TAOK1: variants seen among roughly 807,000 people sequenced by gnomAD.
TAOK1 encodes the protein serine/threonine-protein kinase TAO1.
TAOK1 carries 21 observed loss-of-function variants against 138.3 expected under a neutral mutation model. That is an observed-to-expected ratio of 0.15 (90% CI 0.11 to 0.22). The LOEUF is 0.22. Ranked by LOEUF, TAOK1 falls within the 10% of genes least tolerant of loss-of-function variation. TAOK1 has a pLI of 1.00. For missense variants in TAOK1, 651 were observed against 1,227.7 expected (o/e 0.53, Z 7.02); for synonymous variants, 361 against 398.4 (o/e 0.91, Z 1.12).
Position 29,502,669 on chromosome 17 carries a change from C to T in TAOK1, c.1284C>T (p.His428=). 1 of 1,613,744 alleles carries T rather than the reference C, an allele frequency of 6.2e-7. No homozygotes were observed. The highest frequency in any genetic ancestry group is 8.5e-7 in the Non-Finnish European group (1 of 1,179,948). ...AATCTCCACCCCAAGTATCTCGTCA[C>T]AAATCACACTATCGTAATCGAGAAC... ...DPQSPPQVSR[H]KSHYRNREHF... The change falls in exon 13 of 20, where the codon CAC becomes CAT. Residue 428 remains histidine (H), a synonymous_variant. Transcript: ENST00000261716.
At chr17:29,470,099 A>G (rs915346496) in intron 3 of TAOK1, among the ~76,000 whole-genome samples, 1 of 152,202 alleles carries the variant, frequency 6.6e-6, no homozygotes, top group Non-Finnish European at 1.5e-5. Flanking sequence ...AAGAGCAAAA[A>G]CAGATTTCTA....
At chr17:29,461,713 G>T (rs1252858680) in intron 2 of TAOK1, among the ~76,000 whole-genome samples, 1 of 151,554 alleles carries the variant, frequency 6.6e-6, no homozygotes, top group Non-Finnish European at 1.5e-5. Context: ...TTTGTCATAT[G>T]TTTGACAGAT....
intron 17 of TAOK1, among the ~76,000 whole-genome samples, chr17:29,528,096 C>G (rs2032041996): frequency 6.6e-6 from 1 of 152,158 alleles, no homozygotes; most frequent in Admixed American, 6.5e-5. Flanking sequence ...GTTGCCCAGG[C>G]TGGAGTGCAG....
At chr17:29,542,370 AC>A (rs903249910) in intron 19 of TAOK1, among the ~76,000 whole-genome samples, 190 bp from the exon 20 acceptor site, 5 of 152,144 alleles carry the variant, frequency 3.3e-5, no homozygotes, top group African/African-American at 1.2e-4. Context: ...CTGCAGTTGT[AC>A]CCCCGAATAT....
At chr17:29,420,736 CCA>C (rs1905412684) in intron 1 of TAOK1, among the ~76,000 whole-genome samples, 2 of 151,786 alleles carry the variant, frequency 1.3e-5, no homozygotes, top group Non-Finnish European at 2.9e-5. Flanking sequence ...CAGGCATGCG[CCA>C]GCATGCCTGG....
At chr17:29,491,959 C>A in intron 10 of TAOK1, 94 bp downstream of exon 10, 1 of 922,702 alleles carries the variant, frequency 1.1e-6, no homozygotes, top group South Asian at 1.5e-5. Context: ...AATCACGTCT[C>A]CTGCAGCCTT....
At chr17:29,421,251 A>T (rs1905437312) in intron 1 of TAOK1, among the ~76,000 whole-genome samples, 1 of 152,230 alleles carries the variant, frequency 6.6e-6, no homozygotes, top group South Asian at 2.1e-4. Context: ...TTAGACTAAT[A>T]AAGTGAATTA....
chr17:29,538,478 A>G (rs1287466542), intron 19 of TAOK1, among the ~76,000 whole-genome samples: 4 of 152,232 alleles, frequency 2.6e-5, no homozygotes, highest in African/African-American at 9.6e-5. Context: ...ATGTGACTAC[A>G]AGGCAGGCTG....
intron 11 of TAOK1, among the ~76,000 whole-genome samples, chr17:29,498,066 A>T (rs998505113): frequency 1.3e-5 from 2 of 152,192 alleles, no homozygotes; most frequent in African/African-American, 4.8e-5. Flanking sequence ...AAATCACCCA[A>T]ATCTGATCAG....
In TAOK1 at chr17:29,543,069, A is replaced by C. The variant is rs377624136; in HGVS notation, c.*47A>C. On this transcript the variant is annotated 3_prime_UTR_variant, in exon 20 of 20. Transcript: ENST00000261716. ...TTCCGCTGGAGCTGTCTGCCAAAAG[A>C]AACTGCCTACAGACATCATCACAGC... 131 of 1,473,978 alleles carry C rather than the reference A, an allele frequency of 8.9e-5. No individual in the cohort carries two copies. Among genetic ancestry groups the C allele is most frequent in the Non-Finnish European group, 1.1e-4 (124 of 1,097,106 alleles). The allele number at this position is 1,473,978 out of a possible 1,614,324, so 91.3% of individuals were successfully genotyped here.
At chr17:29,491,490 A>AT (rs1429144751) in intron 9 of TAOK1, among the ~76,000 whole-genome samples, 3 of 152,160 alleles carry the variant, frequency 2.0e-5, no homozygotes, top group Non-Finnish European at 4.4e-5. Flanking sequence ...GAAAAAAAAA[A>AT]GTAGATAGGC....
chr17:29,547,609 G>T lies in TAOK1; in HGVS notation c.*4587G>T, dbSNP rs548401587. ...ATCTCCTATAATGATGGAAGAAGAGGTTCTCTTGTCTTAGATAGAAAAGAG... is the reference window on the plus strand; with the variant it reads ...ATCTCCTATAATGATGGAAGAAGAGTTTCTCTTGTCTTAGATAGAAAAGAG... On this transcript the variant is annotated 3_prime_UTR_variant, in exon 20 of 20. Coordinates refer to ENST00000261716, the MANE Select transcript of TAOK1 (RefSeq NM_020791.4). 2 of 151,956 alleles carry T rather than the reference G, an allele frequency of 1.3e-5. No individual in the cohort carries two copies. The highest frequency in any genetic ancestry group is 4.8e-5 in the African/African-American group (2 of 41,312). 9.4% of individuals were successfully genotyped at this position (151,956 alleles called of 1,614,324 possible).
chr17:29,395,558 T>G (rs8067521), intron 1 of TAOK1, among the ~76,000 whole-genome samples: 121,816 of 151,620 alleles, frequency 0.8, 49,722 homozygotes, highest in East Asian at 0.98. Context: ...ATAAAAAAGT[T>G]TTATTTCTCT....
At chr17:29,433,056 C>G (rs910611942) in intron 1 of TAOK1, among the ~76,000 whole-genome samples, 2 of 152,172 alleles carry the variant, frequency 1.3e-5, no homozygotes, top group African/African-American at 2.4e-5. Context: ...CACTGAGTCT[C>G]CAGGGCCTTA....
intron 13 of TAOK1, among the ~76,000 whole-genome samples, chr17:29,504,188 G>A (rs2031582988): frequency 7.1e-6 from 1 of 141,328 alleles, no homozygotes; most frequent in Non-Finnish European, 1.5e-5. Flanking sequence ...GAGTCAGGAG[G>A]ATTGACTGAG....
intron 2 of TAOK1, among the ~76,000 whole-genome samples, chr17:29,462,122 A>G (rs1252288613): frequency 6.6e-6 from 1 of 152,170 alleles, no homozygotes; most frequent in Non-Finnish European, 1.5e-5. Flanking sequence ...CTCTGGTCAA[A>G]TTTTTTTAGG....
chr17:29,525,922 A>C (rs913310182), intron 17 of TAOK1, among the ~76,000 whole-genome samples: 2 of 152,114 alleles, frequency 1.3e-5, no homozygotes, highest in Non-Finnish European at 1.5e-5. Flanking sequence ...ACTTGAACCC[A>C]GGAGGCGGAG....
chr17:29,492,872 G>A (rs1436410147), intron 10 of TAOK1, among the ~76,000 whole-genome samples: 2 of 152,222 alleles, frequency 1.3e-5, no homozygotes, highest in African/African-American at 4.8e-5. Context: ...TGGGCACGGT[G>A]GCCCACGCCT....
chr17:29,392,978 G>A (rs755623124), intron 1 of TAOK1, among the ~76,000 whole-genome samples: 1 of 152,006 alleles, frequency 6.6e-6, no homozygotes, highest in Non-Finnish European at 1.5e-5. Context: ...GACATGGTAT[G>A]TTAAATAAGT....
Sources: gnomAD v4.1 joint callset for allele counts (sites outside exome capture counted in the v4.1 genomes callset) on GRCh38, gnomAD v4.1.1 for gene constraint, MANE v1.5 for transcripts, NCBI Gene and HGNC (gene_info 2026-07-23, HGNC 2026-07-21) for gene names.